The following DIP2C variants were observed in gnomAD, a reference collection of about 807,000 sequenced individuals.
The protein encoded by DIP2C is disco-interacting protein 2 homolog C.
DIP2C carries 33 observed loss-of-function variants against 192.4 expected under a neutral mutation model. That is an observed-to-expected ratio of 0.17 (90% confidence interval 0.13 to 0.23). The LOEUF is 0.23. Among genes scored for constraint, DIP2C ranks in the 10% least tolerant of loss-of-function variants. The pLI, the probability that DIP2C is intolerant of heterozygous loss-of-function variation, is 1.00. For synonymous variants in DIP2C, 979 were observed against 864.1 expected, an observed-to-expected ratio of 1.13 and a Z score of -2.33; for missense variants, 1,537 against 2,110.1, an observed-to-expected ratio of 0.73 and a Z score of 5.32.
chr10:347,010 G>A (rs201339861), intron 26 of DIP2C, among the ~76,000 whole-genome samples: 1 of 104 alleles, frequency 9.6e-3, no homozygotes, highest in Admixed American at 0.25. Context: ...CACATCGCGC[G>A]TAGTTCTCCC....
chr10:417,188 T>TAA (rs1965699226), intron 6 of DIP2C, among the ~76,000 whole-genome samples: 4 of 152,106 alleles, frequency 2.6e-5, no homozygotes, highest in African/African-American at 9.7e-5. Flanking sequence ...AAGCTTAATT[T>TAA]GGCAGATGTC....
Position 563,412 on chromosome 10 carries a change from TTAG to T in DIP2C, c.86-76885_86-76883del, listed in dbSNP as rs546495454. Among the ~76,000 whole-genome samples the T allele has an allele frequency of 8.8e-4, 134 of 152,320 alleles. 1 individual carries two copies. The highest frequency in any genetic ancestry group is 2.9e-3 in the African/African-American group (122 of 41,568). On this transcript the variant is annotated intron_variant, in intron 1 of 36. Transcript: ENST00000280886. The stretch of plus-strand genomic sequence containing the variant: ...TTGTATTCCACCCCCTTCCTTAAAA[TTAG>T]TAGAATTTACCAAACTAGGTGAAAT...
chr10:585,481 A>T (rs1026265550), intron 1 of DIP2C, among the ~76,000 whole-genome samples: 2 of 152,226 alleles, frequency 1.3e-5, no homozygotes, highest in African/African-American at 4.8e-5. Context: ...AAAACCGGGA[A>T]ATCCGTCTCA....
chr10:453,675 A>T (rs1179627105), intron 3 of DIP2C, among the ~76,000 whole-genome samples: 1 of 152,240 alleles, frequency 6.6e-6, no homozygotes, highest in Non-Finnish European at 1.5e-5. Context: ...TTATCAAAGC[A>T]AAGAGAAAAG....
chr10:664,278 A>C (rs1588718342), intron 1 of DIP2C: 1 of 152,364 alleles, frequency 6.6e-6, no homozygotes, highest in Non-Finnish European at 1.5e-5. Context: ...TTCACAAGAC[A>C]CAACACGTGA....
At chr10:408,787 C>T (rs920374491) in intron 9 of DIP2C, 139 bp downstream of exon 9, 2 of 695,460 alleles carry the variant, frequency 2.9e-6, no homozygotes, top group Non-Finnish European at 4.9e-6. Context: ...TGTAACTTAC[C>T]AGGTAGCAGT....
chr10:519,573 C>T (rs1038822701), intron 1 of DIP2C, among the ~76,000 whole-genome samples: 7 of 152,182 alleles, frequency 4.6e-5, no homozygotes, highest in South Asian at 2.1e-4. Flanking sequence ...GCTGGCACCA[C>T]GAGCCTGGGA....
intron 3 of DIP2C, among the ~76,000 whole-genome samples, chr10:461,195 T>A (rs1029786534): frequency 1.3e-5 from 2 of 152,184 alleles, no homozygotes; most frequent in Admixed American, 6.5e-5. Flanking sequence ...AATTCACACA[T>A]AACAATATTA....
chr10:488,868 AGCCAG>A (rs905300997), intron 1 of DIP2C, among the ~76,000 whole-genome samples: 1 of 152,222 alleles, frequency 6.6e-6, no homozygotes, highest in African/African-American at 2.4e-5. Flanking sequence ...TACAAACTGA[AGCCAG>A]GGTGCTCCTG....
rs1385449855 is a variant in DIP2C at position 675,578 on chromosome 10, A to C, written c.85+13916T>G. ...ATCCCAAATAAGTAAAATTAGAAAC[A>C]GAAAAAGAGAATTACAATTGATACC... On this transcript the variant is annotated intron_variant, in intron 1 of 36. Coordinates refer to ENST00000280886, the MANE Select transcript of DIP2C (RefSeq NM_014974.3). Among the ~76,000 whole-genome samples the C allele has an allele frequency of 2.0e-5, 3 of 152,178 alleles. No individual in the cohort carries two copies. The East Asian group carries it at 5.8e-4, about 29-fold the overall frequency.
intron 1 of DIP2C, among the ~76,000 whole-genome samples, chr10:592,241 A>G (rs1851446926): frequency 6.6e-6 from 1 of 152,234 alleles, no homozygotes; most frequent in African/African-American, 2.4e-5. Context: ...CTGTGTTTCA[A>G]CTGAAGAAAA....
At chr10:592,679 C>A (rs117312679) in intron 1 of DIP2C, among the ~76,000 whole-genome samples, 4,838 of 152,248 alleles carry the variant, frequency 0.032, 136 homozygotes, top group East Asian at 0.08. Flanking sequence ...AATGACAACA[C>A]TATTTTTAAT....
intron 23 of DIP2C, among the ~76,000 whole-genome samples, chr10:356,889 G>A (rs1256065292): frequency 6.6e-6 from 1 of 152,230 alleles, no homozygotes; most frequent in Non-Finnish European, 1.5e-5. Context: ...TCCAGAAGAT[G>A]CAAAGCGGAT....
chr10:383,887 G>GA (rs1415300670), intron 16 of DIP2C, 140 bp downstream of exon 16: 3 of 1,211,646 alleles, frequency 2.5e-6, no homozygotes, highest in Non-Finnish European at 3.2e-6. Flanking sequence ...ATAAGGATTA[G>GA]AAAAAGAAAA....
chr10:618,213 CT>C (rs1384237353), intron 1 of DIP2C, among the ~76,000 whole-genome samples: 1 of 152,174 alleles, frequency 6.6e-6, no homozygotes, highest in Non-Finnish European at 1.5e-5. Flanking sequence ...ATAATATTTT[CT>C]TATGTATGGT....
chr10:386,149 CGA>C (rs991725003), intron 14 of DIP2C, among the ~76,000 whole-genome samples: 3 of 152,158 alleles, frequency 2.0e-5, no homozygotes, highest in Non-Finnish European at 2.9e-5. Context: ...GTTCTAATGA[CGA>C]GAGTGACTAA....
intron 1 of DIP2C, among the ~76,000 whole-genome samples, chr10:584,028 CTTGGTGTCTGTCCT>C (rs1405223062): frequency 6.6e-6 from 1 of 152,146 alleles, no homozygotes; most frequent in Admixed American, 6.5e-5. Context: ...ACCTCTGTCC[CTTGGTGTCTGTCCT>C]ATGGAGGAGG....
At chr10:432,221 A>T (rs1349474882) in intron 4 of DIP2C, among the ~76,000 whole-genome samples, 1 of 152,194 alleles carries the variant, frequency 6.6e-6, no homozygotes. Flanking sequence ...ATGAGTTAAG[A>T]AGTATTCCTC....
intron 1 of DIP2C, among the ~76,000 whole-genome samples, chr10:583,940 C>G (rs780543586): frequency 9.8e-5 from 15 of 152,302 alleles, no homozygotes; most frequent in Non-Finnish European, 2.2e-4. Flanking sequence ...AGGAGAGCAG[C>G]TTTGAGCAGC....
Sources: allele counts gnomAD v4.1 joint callset (sites outside exome capture counted in the v4.1 genomes callset), GRCh38; gene constraint gnomAD v4.1.1; transcripts MANE v1.5; gene names NCBI Gene and HGNC (gene_info 2026-07-23, HGNC 2026-07-21).